The following DDX60L variants were observed in gnomAD, a reference collection of about 807,000 sequenced individuals.
The protein encoded by DDX60L is DExD/H-box 60 like, also known as probable ATP-dependent RNA helicase DDX60-like.
A neutral mutation model predicts 211.6 loss-of-function variants in DDX60L; 191 were observed. That is an observed-to-expected ratio of 0.90 (90% CI 0.80 to 1.02). The LOEUF (loss-of-function observed/expected upper bound fraction) is 1.02, where lower values mean the gene tolerates loss of function less well. Among genes scored for constraint, DDX60L ranks in the 50% least tolerant of loss-of-function variants. The pLI, the probability that DDX60L is intolerant of heterozygous loss-of-function variation, is 0.00. For synonymous variants in DDX60L, 706 were observed against 694.1 expected, an observed-to-expected ratio of 1.02 and a Z score of -0.27; for missense variants, 2,007 against 1,984.1, an observed-to-expected ratio of 1.01 and a Z score of -0.22.
chr4:168,390,549 A>C, intron 29 of DDX60L: 1 of 1,317,734 alleles, frequency 7.6e-7, no homozygotes, highest in South Asian at 1.7e-5. Context: ...GAATAAGAAA[A>C]GAGGAAAATT....
intron 6 of DDX60L, 107 bp from the exon 7 acceptor site, chr4:168,456,259 G>C: frequency 1.9e-6 from 1 of 528,938 alleles, no homozygotes; most frequent in South Asian, 4.5e-5. Context: ...GTATAGATTT[G>C]ACTAAACGGA....
At chr4:168,423,527 T>TA in intron 15 of DDX60L, 81 bp downstream of exon 15, 1 of 989,998 alleles carries the variant, frequency 1.0e-6, no homozygotes, top group Non-Finnish European at 1.5e-6. Flanking sequence ...ATATGTGAGA[T>TA]ACTTCATTAG....
chr4:168,358,318 AT>A, intron 37 of DDX60L, 42 bp from the exon 38 acceptor site: 1 of 1,360,398 alleles, frequency 7.4e-7, no homozygotes, highest in Non-Finnish European at 9.8e-7. Flanking sequence ...ATGAGCCCAC[AT>A]TTTTATAACA....
At chr4:168,474,027 G>C (rs1320394151) in intron 1 of DDX60L, among the ~76,000 whole-genome samples, 1 of 152,184 alleles carries the variant, frequency 6.6e-6, no homozygotes, top group Non-Finnish European at 1.5e-5. Flanking sequence ...TGTGACAGGC[G>C]CTGCACTTGG....
rs72978760 is a variant in DDX60L at position 168,440,234 on chromosome 4, C to A, written c.1294+1103G>T. ...AGTGAGACTCTGTCTCACACACACA[C>A]AAAAAAAGATTGACAAGGCTGGGAA... On this transcript the variant is annotated intron_variant, in intron 10 of 37. Transcript: ENST00000682922. 9.2e-5 allele frequency among the ~76,000 whole-genome samples: 14 copies of A among 152,008 alleles called. No homozygotes were observed. In the Middle Eastern group the frequency reaches 0.01, roughly 111 times the overall value.
At chr4:168,445,629 A>C (rs2150022699) in intron 9 of DDX60L, among the ~76,000 whole-genome samples, 1 of 152,224 alleles carries the variant, frequency 6.6e-6, no homozygotes. Context: ...AAAAATCCTC[A>C]ATAAAATACT....
chr4:168,479,115 GGCTGGAT>G (rs1760013322), intron 1 of DDX60L, among the ~76,000 whole-genome samples: 2 of 145,340 alleles, frequency 1.4e-5, no homozygotes, highest in East Asian at 2.0e-4. Context: ...ATGGTTGGAT[GGCTGGAT>G]GATGGATGGA....
intron 36 of DDX60L, among the ~76,000 whole-genome samples, chr4:168,361,768 C>T (rs1739150531): frequency 6.6e-6 from 1 of 152,180 alleles, no homozygotes; most frequent in Non-Finnish European, 1.5e-5. Flanking sequence ...TCACAGATGC[C>T]AGCAGTTCTT....
intron 4 of DDX60L, among the ~76,000 whole-genome samples, chr4:168,466,008 T>C (rs1757944754): frequency 6.6e-6 from 1 of 152,130 alleles, no homozygotes; most frequent in Non-Finnish European, 1.5e-5. Flanking sequence ...ATGTTAGAAA[T>C]TATTTCTAAT....
Position 168,448,697 on chromosome 4 carries a change from A to C in DDX60L, c.1079T>G (p.Leu360Trp). Residue 360 changes from leucine to tryptophan, a missense_variant, in exon 9 of 38, where the codon TTG becomes TGG. Physicochemically the swap from Leu to Trp is moderately conservative, Grantham distance 61. Transcript: ENST00000682922. ...ATTCTTTAACAATTGCTCATCATACAAGTCAGAAACATGATTTAAATTCAG... is the reference window on the plus strand; with the variant it reads ...ATTCTTTAACAATTGCTCATCATACCAGTCAGAAACATGATTTAAATTCAG... ...WNLNLNHVSD[L>W]YDEQLLKNIA... The C allele has an allele frequency of 3.1e-6, 5 of 1,602,442 alleles. No individual in the cohort carries two copies. The highest frequency in any genetic ancestry group is 4.3e-6 in the Non-Finnish European group (5 of 1,170,774).
At chr4:168,413,720 C>T (rs1561016997) in intron 22 of DDX60L, among the ~76,000 whole-genome samples, 1 of 151,898 alleles carries the variant, frequency 6.6e-6, no homozygotes, top group Non-Finnish European at 1.5e-5. Context: ...ATGATAAAAG[C>T]ATTCCTGTAA....
At chr4:168,424,730 G>T (rs1443629320) in intron 14 of DDX60L, among the ~76,000 whole-genome samples, 1 of 152,020 alleles carries the variant, frequency 6.6e-6, no homozygotes, top group African/African-American at 2.4e-5. Flanking sequence ...GAGACAAGCA[G>T]AAGAACATCT....
chr4:168,460,621 C>CA (rs369819054), intron 5 of DDX60L, among the ~76,000 whole-genome samples: 19 of 145,772 alleles, frequency 1.3e-4, no homozygotes, highest in Middle Eastern at 3.5e-3. Flanking sequence ...ATAACACTAA[C>CA]AAAAAAAAAA....
Position 168,457,949 on chromosome 4 carries a change from C to G in DDX60L, c.666G>C (p.Arg222Ser). The stretch of plus-strand genomic sequence containing the variant: ...CAAAATGAGTTGCTAATACTAAAAC[C>G]CTTATTTCTTCCAAGTGTTGTATGA... ...KSLIQHLEEI[R>S]VLVLATHFEH... Residue 222 changes from arginine to serine, a missense_variant, in exon 6 of 38, where the codon AGG becomes AGC. Transcript: ENST00000682922. 6.4e-7 allele frequency: 1 copy of G among 1,572,162 alleles called. No individual in the cohort carries two copies. Among genetic ancestry groups the G allele is most frequent in the Non-Finnish European group, 8.6e-7 (1 of 1,156,562 alleles).
At chr4:168,364,709 C>T (rs1212146267) in intron 36 of DDX60L, among the ~76,000 whole-genome samples, 1 of 152,168 alleles carries the variant, frequency 6.6e-6, no homozygotes, top group Non-Finnish European at 1.5e-5. Context: ...TTCTGTCCAA[C>T]AGCTTCAGAA....
rs143360328 is a variant in DDX60L at position 168,416,000 on chromosome 4, CAT to C, written c.2727-203_2727-202del. On this transcript the variant is annotated intron_variant, in intron 20 of 37. Transcript: ENST00000682922. ...CTATGCCTCCCTTTCTCCATCATAA[CAT>C]AGAAGATAACGAAAGTATCTTTCTC... Among the ~76,000 whole-genome samples, 226 of 152,292 alleles carry C rather than the reference CAT, an allele frequency of 1.5e-3. 2 individuals carry two copies. The highest frequency in any genetic ancestry group is 5.1e-3 in the African/African-American group (210 of 41,546).
chr4:168,419,448 T>TATCAGG, intron 18 of DDX60L, 51 bp from the exon 19 acceptor site: 1 of 1,369,600 alleles, frequency 7.3e-7, no homozygotes, highest in South Asian at 1.3e-5. Context: ...ATTAATTTTA[T>TATCAGG]ATCAGGCATA....
chr4:168,421,675 T>A, intron 17 of DDX60L, 85 bp downstream of exon 17: 1 of 1,517,182 alleles, frequency 6.6e-7, no homozygotes, highest in South Asian at 1.2e-5. Flanking sequence ...TAACAGTGAA[T>A]TAGATCTAGC....
intron 7 of DDX60L, among the ~76,000 whole-genome samples, chr4:168,454,178 T>G (rs968027488): frequency 6.6e-6 from 1 of 152,168 alleles, no homozygotes; most frequent in Non-Finnish European, 1.5e-5. Flanking sequence ...ATTCTGACAA[T>G]CATGCTGAAA....
Sources: allele counts gnomAD v4.1 joint callset (sites outside exome capture counted in the v4.1 genomes callset), GRCh38; gene constraint gnomAD v4.1.1; transcripts MANE v1.5; gene names NCBI Gene and HGNC (gene_info 2026-07-23, HGNC 2026-07-21).